Variants in INO80C observed in about 807,000 individuals in gnomAD.
The protein encoded by INO80C is INO80 complex subunit C, also known as IES6 homolog.
A neutral mutation model predicts 17.7 loss-of-function variants in INO80C; 17 were observed. The observed-to-expected ratio is 0.96, with a 90% CI of 0.66 to 1.44. The LOEUF is 1.44. Among genes scored for constraint, INO80C ranks in the 40% most tolerant of loss-of-function variants. The pLI is 0.00. For missense variants in INO80C, 244 were observed against 245.0 expected (o/e 1.00, Z 0.03); for synonymous variants, 96 against 95.8 (o/e 1.00, Z -0.01).
chr18:35,496,990 G>A (rs1329016171), intron 1 of INO80C: 2 of 152,240 alleles, frequency 1.3e-5, no homozygotes, highest in Non-Finnish European at 2.9e-5. Context: ...CTGGGTGAAC[G>A]GTGGTGTCAC....
At chr18:35,480,629 C>A in intron 1 of INO80C, 66 bp from the exon 2 acceptor site, 1 of 1,158,504 alleles carries the variant, frequency 8.6e-7, no homozygotes, top group Middle Eastern at 1.9e-4. Context: ...CACCTCTGCT[C>A]TCAACAGGGC....
chr18:35,497,814 T>G lies in INO80C; in HGVS notation c.61A>C (p.Lys21Gln). Residue 21 changes from lysine to glutamine, a missense_variant, in exon 1 of 5, where the codon AAG (lysine) becomes CAG (glutamine). Transcript: ENST00000334598. ...TGGGAAGGGCTGGCCGGCCTCTTCT[T>G]GCTGTTCCGGACTATTCCGGGAGTG... The part of the protein sequence containing the change: ...TSTPGIVRNS[K>Q]KRPASPSHNG... 3.7e-6 allele frequency: 6 copies of G among 1,612,898 alleles called. No homozygotes were observed. The highest frequency in any genetic ancestry group is 5.1e-6 in the Non-Finnish European group (6 of 1,179,408).
chr18:35,479,395 C>T lies in INO80C; in HGVS notation c.284G>A (p.Gly95Asp). ...DPNFVHSGHG[G>D]AVAGKKNRTW... The stretch of plus-strand genomic sequence containing the variant: ...TCTGTTCTTCTTGCCAGCTACTGCG[C>T]CACCGTGGCCAGAGTGCTTGAATTG... Residue 95 changes from glycine (G) to aspartate (D), a missense_variant, in exon 3 of 5, where the codon GGC (glycine) becomes GAC (aspartate). Gly to Asp is a moderately conservative substitution (Grantham distance 94). Transcript: ENST00000334598. 6.2e-7 allele frequency: 1 copy of T among 1,613,540 alleles called. No homozygotes were observed. The highest frequency in any genetic ancestry group is 8.5e-7 in the Non-Finnish European group (1 of 1,179,490).
intron 1 of INO80C, 75 bp from the exon 2 acceptor site, chr18:35,480,638 G>A (rs750225851): frequency 8.1e-6 from 9 of 1,110,734 alleles, no homozygotes; most frequent in Non-Finnish European, 1.2e-5. Flanking sequence ...TCTCAACAGG[G>A]CATACGATGA....
At chr18:35,477,102 G>C (rs1010217229) in intron 4 of INO80C, among the ~76,000 whole-genome samples, 2 of 152,196 alleles carry the variant, frequency 1.3e-5, no homozygotes, top group Non-Finnish European at 2.9e-5. Context: ...AAATTAGCCA[G>C]GCATGGTGGC....
chr18:35,482,724 C>T (rs998505283), intron 1 of INO80C, among the ~76,000 whole-genome samples: 8 of 152,168 alleles, frequency 5.3e-5, no homozygotes, highest in African/African-American at 1.9e-4. Context: ...TCTGTACCCA[C>T]AGTGATCTAT....
At chr18:35,483,324 C>G (rs2045836404) in intron 1 of INO80C, 1 of 152,068 alleles carries the variant, frequency 6.6e-6, no homozygotes, top group South Asian at 2.1e-4. Context: ...CGAACATTAC[C>G]TTGTGCAGTT....
intron 3 of INO80C, 174 bp downstream of exon 3, chr18:35,479,126 G>A (rs1451935964): frequency 1.8e-6 from 1 of 560,860 alleles, no homozygotes; most frequent in African/African-American, 1.9e-5. Flanking sequence ...GCTCAATACA[G>A]ATACAGTTAT....
Position 35,485,525 on chromosome 18 carries a change from G to C in INO80C, c.157-4962C>G, listed in dbSNP as rs144785379. On this transcript the variant is annotated intron_variant, in intron 1 of 4. Transcript: ENST00000334598. ...ATTCCAGTGCACACTCACTAGGATG[G>C]TTACAATCAAAGACAATAACACATA... Among the ~76,000 whole-genome samples, 354 of 152,116 alleles carry C rather than the reference G, an allele frequency of 2.3e-3. 1 individual carries two copies. The highest frequency in any genetic ancestry group is 4.2e-3 in the Non-Finnish European group (287 of 68,002).
chr18:35,479,535 C>T, intron 2 of INO80C, 124 bp from the exon 3 acceptor site: 1 of 631,326 alleles, frequency 1.6e-6, no homozygotes, highest in Non-Finnish European at 2.8e-6. Flanking sequence ...ATTAAGACCC[C>T]TGAGACTTTT....
Position 35,468,416 on chromosome 18 carries a change from G to A in INO80C, c.*195C>T, listed in dbSNP as rs891016374. 8 of 1,405,068 alleles carry A rather than the reference G, an allele frequency of 5.7e-6. No individual in the cohort carries two copies. Among genetic ancestry groups the A allele is most frequent in the African/African-American group, 1.5e-5 (1 of 68,624 alleles). The allele number at this position is 1,405,068 out of a possible 1,614,324, so 87.0% of individuals were successfully genotyped here. Reference sequence around the variant, plus strand: ...AACTGAAGTATAATTTAATTCAGCAGGAAATATCACACTTGGAGGGAAAAC... The same window carrying A: ...AACTGAAGTATAATTTAATTCAGCAAGAAATATCACACTTGGAGGGAAAAC... On this transcript the variant is annotated 3_prime_UTR_variant, in exon 5 of 5. Transcript: ENST00000334598.
At chr18:35,479,252 T>C (rs2045776195) in intron 3 of INO80C, 48 bp downstream of exon 3, 1 of 1,168,114 alleles carries the variant, frequency 8.6e-7, no homozygotes, top group South Asian at 1.2e-5. Flanking sequence ...TATAAGACAG[T>C]TCCTACTCTG....
rs549059790 is a variant in INO80C at position 35,472,541 on chromosome 18, C to T, written c.448-3799G>A. ...TAGGTTGAGAAAATTTTCTCCCATT[C>T]TGTAGGTTGCCTGTTCACTGTGATG... is the stretch of plus-strand genomic sequence containing the variant. On this transcript the variant is annotated intron_variant, in intron 4 of 4. Transcript: ENST00000334598. 8.2e-3 allele frequency among the ~76,000 whole-genome samples: 1,242 copies of T among 152,174 alleles called. 15 individuals are homozygous for T. The highest frequency in any genetic ancestry group is 0.028 in the African/African-American group (1,178 of 41,524).
intron 1 of INO80C, among the ~76,000 whole-genome samples, chr18:35,489,872 A>C (rs2045916544): frequency 6.6e-6 from 1 of 151,170 alleles, no homozygotes. Context: ...CTCTGTTAAC[A>C]CCCCTCTTCT....
chr18:35,491,159 G>A (rs1272382744), intron 1 of INO80C, among the ~76,000 whole-genome samples: 1 of 152,224 alleles, frequency 6.6e-6, no homozygotes, highest in Admixed American at 6.5e-5. Flanking sequence ...GCAATACAGG[G>A]GGATTCTTCT....
chr18:35,497,589 C>T lies in INO80C; in HGVS notation c.156+130G>A, dbSNP rs544315677. The T allele has an allele frequency of 2.0e-5, 28 of 1,431,798 alleles. No homozygotes were observed. The African/African-American group carries it at 3.2e-4, about 17-fold the overall frequency. The allele number at this position is 1,431,798 out of a possible 1,614,324, so 88.7% of individuals were successfully genotyped here. A position where few individuals can be genotyped will look rare whatever the true frequency, so the allele number is the denominator to read the frequency against. ...AAGAGTAGTCATTCACTCCGCGGGG[C>T]AGCGTCTTTCAACCCCAACGGAGAC... On this transcript the variant is annotated intron_variant, in intron 1 of 4. Coordinates refer to ENST00000334598, the MANE Select transcript of INO80C (RefSeq NM_194281.4).
chr18:35,480,637 G>T, intron 1 of INO80C, 74 bp from the exon 2 acceptor site: 1 of 1,112,022 alleles, frequency 9.0e-7, no homozygotes. Flanking sequence ...CTCTCAACAG[G>T]GCATACGATG....
At chr18:35,481,869 G>A (rs899362949) in intron 1 of INO80C, among the ~76,000 whole-genome samples, 3 of 152,170 alleles carry the variant, frequency 2.0e-5, no homozygotes, top group Non-Finnish European at 4.4e-5. Flanking sequence ...GGGCAACAGC[G>A]AGACTCTACT....
chr18:35,488,367 A>G (rs1004535998), intron 1 of INO80C, among the ~76,000 whole-genome samples: 8 of 152,270 alleles, frequency 5.3e-5, no homozygotes, highest in African/African-American at 1.9e-4. Context: ...CATCCTCTGA[A>G]ATGTAGGTGG....
Sources: gnomAD v4.1 joint callset for allele counts (sites outside exome capture counted in the v4.1 genomes callset) on GRCh38, gnomAD v4.1.1 for gene constraint, MANE v1.5 for transcripts, NCBI Gene and HGNC (gene_info 2026-07-23, HGNC 2026-07-21) for gene names.